The following SAMMSON variants were observed in gnomAD, a reference collection of about 807,000 sequenced individuals.
SAMMSON encodes survival associated mitochondrial melanoma specific oncogenic non-coding RNA.
At chr3:70,256,499 AT>A (rs908768223) in intron 6 of SAMMSON, among the ~76,000 whole-genome samples, 14 of 152,216 alleles carry the variant, frequency 9.2e-5, no homozygotes, top group Admixed American at 6.5e-4. Flanking sequence ...CATTTAGTTC[AT>A]TTAGTTCTTC....
chr3:70,157,594 A>G (rs559220955), intron 4 of SAMMSON, among the ~76,000 whole-genome samples: 1 of 152,074 alleles, frequency 6.6e-6, no homozygotes, highest in Non-Finnish European at 1.5e-5. Context: ...TGACAATACA[A>G]TTGCCAGATT....
chr3:70,366,001 T>TTTTTTTTTTTC (rs1362861416), intron 9 of SAMMSON, among the ~76,000 whole-genome samples: 1 of 21,770 alleles, frequency 4.6e-5, no homozygotes, highest in African/African-American at 1.7e-4. Context: ...TTTTTTTTTT[T>TTTTTTTTTTTC]GAGACGGAGT....
chr3:70,238,003 T>TTTTTTTTTTTTTTC (rs1701628657), intron 4 of SAMMSON, among the ~76,000 whole-genome samples: 1 of 145,020 alleles, frequency 6.9e-6, no homozygotes, highest in African/African-American at 2.6e-5. Context: ...TTTTTTTTTT[T>TTTTTTTTTTTTTTC]TTGCCTGTCC....
chr3:70,083,534 A>G (rs2067274191), intron 4 of SAMMSON, among the ~76,000 whole-genome samples: 1 of 152,156 alleles, frequency 6.6e-6, no homozygotes. Context: ...CAGCATCAGG[A>G]CCTTAAATTA....
intron 4 of SAMMSON, among the ~76,000 whole-genome samples, chr3:70,228,042 T>TC (rs1423214169): frequency 6.6e-6 from 1 of 151,554 alleles, no homozygotes; most frequent in Non-Finnish European, 1.5e-5. Context: ...ATAAATAATA[T>TC]CCAACAGAGA....
At chr3:70,248,641 A>C (rs1701731121) in intron 4 of SAMMSON, among the ~76,000 whole-genome samples, 1 of 152,148 alleles carries the variant, frequency 6.6e-6, no homozygotes, top group Admixed American at 6.6e-5. Context: ...TTTTACAATC[A>C]ACAGTAAAGA....
chr3:70,142,654 C>G (rs976725871), intron 4 of SAMMSON, among the ~76,000 whole-genome samples: 5 of 151,940 alleles, frequency 3.3e-5, no homozygotes, highest in African/African-American at 9.7e-5. Flanking sequence ...ACTCATGTAA[C>G]CAAACACCAC....
chr3:70,373,646 A>C (rs1031773660), intron 9 of SAMMSON, among the ~76,000 whole-genome samples: 1 of 151,948 alleles, frequency 6.6e-6, no homozygotes, highest in Admixed American at 6.6e-5. Context: ...AGCTCTGTAC[A>C]TTTTGTTTTC....
At chr3:70,297,281 C>T (rs2106698612) in intron 7 of SAMMSON, among the ~76,000 whole-genome samples, 1 of 151,986 alleles carries the variant, frequency 6.6e-6, no homozygotes, top group South Asian at 2.1e-4. Flanking sequence ...ATCAAAGAGC[C>T]TATCTGTTTA....
chr3:70,064,298 A>G (rs2067201421), intron 3 of SAMMSON, among the ~76,000 whole-genome samples: 1 of 152,176 alleles, frequency 6.6e-6, no homozygotes, highest in Non-Finnish European at 1.5e-5. Flanking sequence ...CCAAGTACGT[A>G]CTAATTTGGC....
intron 7 of SAMMSON, among the ~76,000 whole-genome samples, chr3:70,293,125 T>C (rs1353987233): frequency 6.7e-6 from 1 of 150,042 alleles, no homozygotes; most frequent in African/African-American, 2.4e-5. Context: ...CAACTGCTGC[T>C]CTCCCTCCAG....
intron 2 of SAMMSON, among the ~76,000 whole-genome samples, chr3:70,429,536 G>C (rs550957774): frequency 1.3e-5 from 2 of 152,230 alleles, no homozygotes; most frequent in South Asian, 4.2e-4. Context: ...GGATAGCATT[G>C]AATCTATAAA....
chr3:70,126,292 G>A (rs1466527437), intron 4 of SAMMSON: 1 of 1,167,956 alleles, frequency 8.6e-7, no homozygotes, highest in Non-Finnish European at 1.2e-6. Context: ...GTGGGACATG[G>A]GGAGTGAACT....
intron 4 of SAMMSON, among the ~76,000 whole-genome samples, chr3:70,162,864 T>C (rs2067621539): frequency 6.6e-6 from 1 of 151,954 alleles, no homozygotes; most frequent in African/African-American, 2.4e-5. Context: ...TCCTGTTGAA[T>C]TGATTAGTTT....
chr3:70,289,730 C>A (rs1702211024), intron 6 of SAMMSON, among the ~76,000 whole-genome samples: 1 of 152,146 alleles, frequency 6.6e-6, no homozygotes, highest in Non-Finnish European at 1.5e-5. Flanking sequence ...TTCACATAGT[C>A]CCATATTTCT....
intron 2 of SAMMSON, among the ~76,000 whole-genome samples, chr3:70,419,656 T>C (rs906731796): frequency 2.0e-5 from 3 of 151,998 alleles, no homozygotes; most frequent in African/African-American, 7.3e-5. Flanking sequence ...TGTTTGTTTT[T>C]GAGACTGAGT....
At chr3:70,157,567 C>A (rs1339630077) in intron 4 of SAMMSON, among the ~76,000 whole-genome samples, 2 of 151,924 alleles carry the variant, frequency 1.3e-5, no homozygotes, top group Non-Finnish European at 2.9e-5. Context: ...GAGGTAGAGA[C>A]CTTTAGGTGA....
intron 1 of SAMMSON, among the ~76,000 whole-genome samples, chr3:70,008,172 A>G (rs972347976): frequency 3.2e-4 from 48 of 152,176 alleles, no homozygotes; most frequent in African/African-American, 1.1e-3. Flanking sequence ...GTTTTTTCCA[A>G]TTCTGCGAAG....
chr3:70,432,611 T>G (rs1436537204), intron 2 of SAMMSON, among the ~76,000 whole-genome samples: 1 of 151,970 alleles, frequency 6.6e-6, no homozygotes, highest in African/African-American at 2.4e-5. Flanking sequence ...TAACACCTTG[T>G]GTTAGTATGG....
Sources: gnomAD v4.1 joint callset for allele counts (sites outside exome capture counted in the v4.1 genomes callset) on GRCh38, gnomAD v4.1.1 for gene constraint, MANE v1.5 for transcripts, NCBI Gene and HGNC (gene_info 2026-07-23, HGNC 2026-07-21) for gene names.